XKRX: variants seen among roughly 807,000 people sequenced by gnomAD.
XKRX encodes the protein XK related X-linked.
In XKRX, 11 loss-of-function variants were observed where a neutral mutation model predicts 22.4. The ratio of observed to expected loss-of-function variants is 0.49; its 90% CI spans 0.31 to 0.81. XKRX has a LOEUF of 0.81. Among genes scored for constraint, XKRX ranks in the 40% least tolerant of loss-of-function variants. The pLI, the probability that XKRX is intolerant of heterozygous loss-of-function variation, is 0.05. For synonymous variants in XKRX, 114 were observed against 132.2 expected (o/e 0.86, Z 0.94); for missense variants, 320 against 336.5 (o/e 0.95, Z 0.38).
the XKRX span, among the ~76,000 whole-genome samples, chrX:100,939,850 T>G: frequency 8.9e-6 from 1 of 112,419 alleles, no homozygotes; most frequent in Non-Finnish European, 1.9e-5. Flanking sequence ...GATATATCAT[T>G]CATAGCCAAG....
chrX:100,913,008 G>A (rs1363063465), downstream of XKRX, among the ~76,000 whole-genome samples: 2 of 110,004 alleles, frequency 1.8e-5, no homozygotes, highest in African/African-American at 6.6e-5. Context: ...GACCAGCCTG[G>A]CCAACATGGT....
At chrX:100,903,900 G>C in the XKRX span, among the ~76,000 whole-genome samples, 2,520 of 111,922 alleles carry the variant, frequency 0.023, 65 homozygotes, top group African/African-American at 0.078. Context: ...TTGTCAAGCT[G>C]TCAGTTCTTC....
chrX:100,899,420 G>A, the XKRX span, among the ~76,000 whole-genome samples: 1 of 112,259 alleles, frequency 8.9e-6, no homozygotes. Flanking sequence ...GAGGTTGAGG[G>A]GGGAGGATCA....
chrX:100,924,265 A>G (rs940603854), intron 1 of XKRX, among the ~76,000 whole-genome samples: 14 of 111,378 alleles, frequency 1.3e-4, no homozygotes, highest in African/African-American at 4.6e-4. Context: ...AAGCAACAAA[A>G]GTACTTAAAA....
Position 100,914,501 on chromosome X carries a change from C to T in XKRX, c.1187G>A (p.Gly396Asp). 1 of 1,211,516 alleles carries T rather than the reference C, an allele frequency of 8.3e-7. No individual in the cohort carries two copies. The highest frequency in any genetic ancestry group is 1.1e-6 in the Non-Finnish European group (1 of 895,431). ...QLIIAYLISI[G>D]FMLLFFQYLH... ...GTACTGGAAGAAAAGGAGCATGAAG[C>T]CAATGGAAATCAGATAAGCAATAAT... Residue 396 changes from glycine (G) to aspartate (D), a missense_variant, in exon 3 of 3, where the codon GGC becomes GAC. Physicochemically the swap from Gly to Asp is moderately conservative, Grantham distance 94. Transcript: ENST00000372956.
the XKRX span, among the ~76,000 whole-genome samples, chrX:100,941,100 C>T: frequency 9.0e-6 from 1 of 111,723 alleles, no homozygotes; most frequent in Non-Finnish European, 1.9e-5. Flanking sequence ...ACTGTCTGAC[C>T]CCAATTCTTT....
the XKRX span, among the ~76,000 whole-genome samples, chrX:100,901,150 A>G: frequency 9.0e-6 from 1 of 111,184 alleles, no homozygotes; most frequent in Non-Finnish European, 1.9e-5. Flanking sequence ...AGTTGGTGCC[A>G]TTGGTTTGTG....
chrX:100,887,978 A>G, the XKRX span: 1 of 1,064,087 alleles, frequency 9.4e-7, no homozygotes, highest in Non-Finnish European at 1.3e-6. Context: ...AACCACCTCC[A>G]CAACCACCAC....
At chrX:100,958,909 A>T in the XKRX span, among the ~76,000 whole-genome samples, 1 of 112,041 alleles carries the variant, frequency 8.9e-6, no homozygotes, top group African/African-American at 3.2e-5. Context: ...AAATCATATC[A>T]TCTGAAATAT....
the XKRX span, among the ~76,000 whole-genome samples, chrX:100,959,231 AGATGGAAG>A: frequency 8.9e-6 from 1 of 112,062 alleles, no homozygotes; most frequent in East Asian, 2.8e-4. Context: ...TTTAGTTTAA[AGATGGAAG>A]CTAACCAATG....
chrX:100,898,726 T>C, the XKRX span, among the ~76,000 whole-genome samples: 1 of 111,176 alleles, frequency 9.0e-6, no homozygotes, highest in African/African-American at 3.3e-5. Flanking sequence ...ACATGAAGTC[T>C]GAGGCATAGT....
At chrX:100,946,758 C>T in the XKRX span, among the ~76,000 whole-genome samples, 1 of 111,879 alleles carries the variant, frequency 8.9e-6, no homozygotes, top group Non-Finnish European at 1.9e-5. Flanking sequence ...CAATTTCTTC[C>T]CTTCCTGTGA....
chrX:100,953,066 C>T, the XKRX span, among the ~76,000 whole-genome samples: 7 of 111,919 alleles, frequency 6.3e-5, no homozygotes, highest in African/African-American at 2.3e-4. Flanking sequence ...CTTTGGGAGG[C>T]CAAGGGGAGG....
upstream of XKRX, chrX:100,929,315 G>A (rs996515037): frequency 1.7e-4 from 19 of 111,824 alleles, no homozygotes; most frequent in African/African-American, 5.9e-4. Flanking sequence ...GAGAGTTCCC[G>A]GGCAGGCGGC....
At chrX:100,943,672 G>C in the XKRX span, among the ~76,000 whole-genome samples, 1 of 112,109 alleles carries the variant, frequency 8.9e-6, no homozygotes, top group African/African-American at 3.2e-5. Context: ...CCAAAGTGCT[G>C]GGATTACAGG....
At chrX:100,922,728 C>T in intron 2 of XKRX, 65 bp downstream of exon 2, 1 of 1,102,907 alleles carries the variant, frequency 9.1e-7, no homozygotes, top group Non-Finnish European at 1.2e-6. Flanking sequence ...TATTAGACAG[C>T]TTGGGTCTAG....
At chrX:100,904,617 T>A in the XKRX span, among the ~76,000 whole-genome samples, 23 of 112,293 alleles carry the variant, frequency 2.0e-4, no homozygotes, top group African/African-American at 7.4e-4. Context: ...TCCATGCCAC[T>A]CCCAGGGAAG....
At chrX:100,908,106 AGT>A in the XKRX span, among the ~76,000 whole-genome samples, 32 of 86,988 alleles carry the variant, frequency 3.7e-4, no homozygotes, top group South Asian at 4.9e-3. Flanking sequence ...TCATGCATGG[AGT>A]GTGTGTGTGT....
chrX:100,915,136 T>C, intron 2 of XKRX, 53 bp from the exon 3 acceptor site: 2 of 1,156,223 alleles, frequency 1.7e-6, no homozygotes, highest in Middle Eastern at 2.4e-4. Context: ...ATGTTGGTAA[T>C]GAAGGCTGTA....
Sources: gnomAD v4.1 joint callset for allele counts (sites outside exome capture counted in the v4.1 genomes callset) on GRCh38, gnomAD v4.1.1 for gene constraint, MANE v1.5 for transcripts, NCBI Gene and HGNC (gene_info 2026-07-23, HGNC 2026-07-21) for gene names.